Variants in ZNF568 observed in about 807,000 individuals in gnomAD.
ZNF568 encodes p53 inhibitor of SCO2 activation.
ZNF568 carries 11 observed loss-of-function variants against 18.1 expected under a neutral mutation model. The ratio of observed to expected loss-of-function variants is 0.61; its 90% CI spans 0.38 to 1.00. ZNF568 has a LOEUF of 1.00. Ranked by LOEUF, ZNF568 falls within the 50% of genes least tolerant of loss-of-function variation. ZNF568 has a pLI of 0.01. For synonymous variants in ZNF568, 213 were observed against 246.6 expected, an observed-to-expected ratio of 0.86 and a Z score of 1.28; for missense variants, 639 against 768.2, an observed-to-expected ratio of 0.83 and a Z score of 1.99.
At chr19:36,960,557 C>G (rs564343723) in intron 6 of ZNF568, among the ~76,000 whole-genome samples, 1 of 151,846 alleles carries the variant, frequency 6.6e-6, no homozygotes, top group Admixed American at 6.6e-5. Context: ...GGCATGGTGG[C>G]TCACCATGTA....
chr19:36,926,225 C>T (rs541770269), intron 4 of ZNF568, among the ~76,000 whole-genome samples: 2 of 152,248 alleles, frequency 1.3e-5, no homozygotes, highest in Admixed American at 6.5e-5. Flanking sequence ...TACAAAATTA[C>T]GTATTCTCTG....
chr19:36,956,601 CT>C (rs887422184), downstream of ZNF568, among the ~76,000 whole-genome samples: 59 of 118,288 alleles, frequency 5.0e-4, no homozygotes, highest in Middle Eastern at 4.9e-3. Flanking sequence ...TTAAAAAAAA[CT>C]TTTTTTTTTT....
downstream of ZNF568, chr19:36,997,398 A>G: frequency 6.3e-7 from 1 of 1,589,068 alleles, no homozygotes. Flanking sequence ...AGGAATGTGA[A>G]AAGGCCTTTA....
intron 7 of ZNF568, among the ~76,000 whole-genome samples, chr19:36,975,845 G>A (rs916932081): frequency 1.3e-5 from 2 of 151,510 alleles, no homozygotes; most frequent in African/African-American, 2.4e-5. Context: ...ACAGGCGTGC[G>A]CCACCATGCC....
chr19:36,985,375 A>C (rs1433530220), intron 2 of ZNF568, among the ~76,000 whole-genome samples: 1 of 152,190 alleles, frequency 6.6e-6, no homozygotes, highest in Non-Finnish European at 1.5e-5. Context: ...TCTTTTACAG[A>C]GGTGATTCCT....
Position 36,950,300 on chromosome 19 carries a change from A to C in ZNF568, c.1147A>C (p.Ser383Arg). 1 of 1,614,056 alleles carries C rather than the reference A, an allele frequency of 6.2e-7. No homozygotes were observed. Among genetic ancestry groups the C allele is most frequent in the Non-Finnish European group, 8.5e-7 (1 of 1,179,984 alleles). ...RMSSVTLHMRSHTGEKPYKCN... is the reference protein window; with the variant it reads ...RMSSVTLHMRRHTGEKPYKCN... ...GTCATCTGTTACGCTACATATGAGAAGTCACACAGGGGAGAAACCCTATAA... is the reference window on the plus strand; with the variant it reads ...GTCATCTGTTACGCTACATATGAGACGTCACACAGGGGAGAAACCCTATAA... The change falls in exon 7 of 7, where the codon AGT (serine) becomes CGT (arginine). Residue 383 changes from serine to arginine, a missense_variant. Physicochemically the swap from Ser to Arg is moderately radical, Grantham distance 110. Transcript: ENST00000333987.
At chr19:36,948,608 A>G (rs891488389) in intron 6 of ZNF568, among the ~76,000 whole-genome samples, 3 of 149,884 alleles carry the variant, frequency 2.0e-5, no homozygotes, top group African/African-American at 7.5e-5. Context: ...TTGCTCTGCA[A>G]ACTTGTCAGC....
At chr19:36,943,376 ACT>A (rs1035151367) in intron 6 of ZNF568, among the ~76,000 whole-genome samples, 1 of 152,070 alleles carries the variant, frequency 6.6e-6, no homozygotes, top group East Asian at 1.9e-4. Context: ...AAAGAGAAAA[ACT>A]CTCTCATTAA....
downstream of ZNF568, among the ~76,000 whole-genome samples, chr19:36,954,666 T>C (rs1173179224): frequency 6.6e-6 from 1 of 151,940 alleles, no homozygotes; most frequent in East Asian, 1.9e-4. Context: ...GCCTCCGGGT[T>C]CAAGTGATTC....
chr19:36,969,781 ATTTTTTTT>A (rs200089198), intron 6 of ZNF568, among the ~76,000 whole-genome samples: 1 of 77,102 alleles, frequency 1.3e-5, no homozygotes, highest in Non-Finnish European at 2.5e-5. Flanking sequence ...CCATCTCAAG[ATTTTTTTT>A]TTTTTTTTTT....
rs1395939272 is a variant in ZNF568 at position 36,989,648 on chromosome 19, GGCTCAAAGA to G, written c.10-1523_10-1515del. Among the ~76,000 whole-genome samples, 11 of 151,466 alleles carry G rather than the reference GGCTCAAAGA, an allele frequency of 7.3e-5. No homozygotes were observed. In the East Asian group the frequency reaches 2.2e-3, roughly 30 times the overall value. On this transcript the variant is annotated intron_variant, in intron 2 of 4. Coordinates refer to the ZNF568 transcript ENST00000433993. ...GGGTCACTTCAGCCTCAACCTCTGG[GGCTCAAAGA>G]GCTCCTCCTGCCTCAGCCTCCCAAG... is the stretch of plus-strand genomic sequence containing the variant.
chr19:36,932,325 A>C (rs2073701195), intron 4 of ZNF568, among the ~76,000 whole-genome samples: 1 of 152,228 alleles, frequency 6.6e-6, no homozygotes. Flanking sequence ...GCAATGGCTC[A>C]TGCCTGTAAT....
chr19:36,961,541 T>C (rs1285500050), intron 6 of ZNF568, among the ~76,000 whole-genome samples: 1 of 152,130 alleles, frequency 6.6e-6, no homozygotes, highest in Non-Finnish European at 1.5e-5. Flanking sequence ...ATTATTATTA[T>C]TATGAGATGG....
chr19:36,948,449 A>G (rs965667125), intron 6 of ZNF568, among the ~76,000 whole-genome samples: 1 of 152,202 alleles, frequency 6.6e-6, no homozygotes. Flanking sequence ...TTGTATGGAC[A>G]TATGTTTTCA....
chr19:36,979,989 G>T (rs755250304), downstream of ZNF568: 1 of 151,336 alleles, frequency 6.6e-6, no homozygotes, highest in Non-Finnish European at 1.5e-5. Flanking sequence ...CCCCACCCCC[G>T]CAACTTTCAT....
chr19:36,976,938 G>A (rs1018536780), intron 7 of ZNF568, among the ~76,000 whole-genome samples: 1 of 151,942 alleles, frequency 6.6e-6, no homozygotes, highest in African/African-American at 2.4e-5. Context: ...GTAGAGCTGG[G>A]GTTTCTACAT....
intron 6 of ZNF568, chr19:36,974,372 G>A (rs972988336): frequency 1.4e-5 from 21 of 1,525,072 alleles, no homozygotes; most frequent in East Asian, 2.4e-5. Flanking sequence ...GGGGTTCAGG[G>A]AGGGATTCAG....
At chr19:36,964,129 G>C (rs2074176058) in intron 6 of ZNF568, among the ~76,000 whole-genome samples, 2 of 146,836 alleles carry the variant, frequency 1.4e-5, no homozygotes, top group African/African-American at 2.6e-5. Context: ...AACTTTGTAA[G>C]ATCTCAGGAA....
At chr19:36,920,735 T>A (rs143515191) in intron 2 of ZNF568, among the ~76,000 whole-genome samples, 2 of 151,938 alleles carry the variant, frequency 1.3e-5, no homozygotes, top group Admixed American at 1.3e-4. Context: ...AAGTGTACAG[T>A]GTTTATAAAG....
Sources: gnomAD v4.1 joint callset for allele counts (sites outside exome capture counted in the v4.1 genomes callset) on GRCh38, gnomAD v4.1.1 for gene constraint, MANE v1.5 for transcripts, NCBI Gene and HGNC (gene_info 2026-07-23, HGNC 2026-07-21) for gene names.